The following MYO1E variants were observed in gnomAD, a reference collection of about 807,000 sequenced individuals.
The protein encoded by MYO1E is myosin IE.
In MYO1E, 68 loss-of-function variants were observed where a neutral mutation model predicts 151.1. The ratio of observed to expected loss-of-function variants is 0.45; its 90% CI spans 0.37 to 0.55. The LOEUF (loss-of-function observed/expected upper bound fraction) is 0.55, where lower values mean the gene tolerates loss of function less well. MYO1E is among the 20% of genes least tolerant of loss of function. MYO1E has a pLI of 0.00. For missense variants in MYO1E, 1,363 were observed against 1,389.3 expected, an observed-to-expected ratio of 0.98 and a Z score of 0.30; for synonymous variants, 601 against 501.7, an observed-to-expected ratio of 1.20 and a Z score of -2.64.
chr15:59,261,956 C>T (rs1224288859), intron 2 of MYO1E, among the ~76,000 whole-genome samples: 1 of 152,040 alleles, frequency 6.6e-6, no homozygotes, highest in Non-Finnish European at 1.5e-5. Context: ...AATCCCAGCA[C>T]TTTGGGAGGC....
intron 26 of MYO1E, among the ~76,000 whole-genome samples, chr15:59,152,094 TG>T (rs1344440417): frequency 2.0e-4 from 30 of 148,302 alleles, no homozygotes; most frequent in African/African-American, 7.4e-4. Context: ...CTGGGTGTGG[TG>T]GTGCGTGCCT....
At chr15:59,348,314 A>G (rs1425437318) in intron 1 of MYO1E, among the ~76,000 whole-genome samples, 4 of 152,236 alleles carry the variant, frequency 2.6e-5, no homozygotes, top group African/African-American at 7.2e-5. Flanking sequence ...CAAAAACGCC[A>G]AAACCACAAA....
At chr15:59,220,119 C>G (rs2079944980) in intron 9 of MYO1E, among the ~76,000 whole-genome samples, 1 of 152,166 alleles carries the variant, frequency 6.6e-6, no homozygotes, top group African/African-American at 2.4e-5. Context: ...CAGGGAAATG[C>G]TACATTTCCA....
chr15:59,207,798 T>C, intron 14 of MYO1E: 1 of 1,614,198 alleles, frequency 6.2e-7, no homozygotes, highest in Non-Finnish European at 8.5e-7. Flanking sequence ...TGACTGCAAC[T>C]GCCTATGAGA....
chr15:59,270,560 G>A (rs1424508556), intron 2 of MYO1E, among the ~76,000 whole-genome samples: 83 of 134,362 alleles, frequency 6.2e-4, no homozygotes, highest in Middle Eastern at 7.5e-3. Context: ...AAAAAAAAAA[G>A]AAAAGAAAAA....
intron 1 of MYO1E, among the ~76,000 whole-genome samples, chr15:59,342,279 C>A (rs1164767172): frequency 2.0e-5 from 3 of 152,140 alleles, no homozygotes; most frequent in African/African-American, 7.2e-5. Context: ...TGATTAAACC[C>A]TTGTGAGATG....
chr15:59,356,887 T>C (rs11630796), intron 1 of MYO1E, among the ~76,000 whole-genome samples: 3 of 149,700 alleles, frequency 2.0e-5, no homozygotes, highest in Admixed American at 6.6e-5. Context: ...AAGTTTTTTT[T>C]TTTGTTTGTT....
intron 5 of MYO1E, among the ~76,000 whole-genome samples, chr15:59,235,355 G>A (rs2080056049): frequency 6.6e-6 from 1 of 152,048 alleles, no homozygotes; most frequent in African/African-American, 2.4e-5. Flanking sequence ...ATACTTCGAG[G>A]GATATGTGAT....
chr15:59,190,222 T>G (rs1444131392), intron 17 of MYO1E, among the ~76,000 whole-genome samples: 1 of 152,130 alleles, frequency 6.6e-6, no homozygotes, highest in Admixed American at 6.5e-5. Context: ...ACATAAAAAG[T>G]AAGGTCTCTC....
At chr15:59,286,245 T>C (rs185410988) in intron 1 of MYO1E, among the ~76,000 whole-genome samples, 40 of 152,342 alleles carry the variant, frequency 2.6e-4, no homozygotes, top group Non-Finnish European at 4.3e-4. Flanking sequence ...CCTATACTGC[T>C]TGCAAAATAC....
At chr15:59,245,078 C>A (rs1474174741) in intron 4 of MYO1E, among the ~76,000 whole-genome samples, 3 of 152,170 alleles carry the variant, frequency 2.0e-5, no homozygotes, top group Admixed American at 2.0e-4. Context: ...AAAGCCAGGC[C>A]AGGGGGATGG....
intron 4 of MYO1E, 81 bp from the exon 5 acceptor site, chr15:59,236,753 C>G (rs1283219314): frequency 2.5e-6 from 3 of 1,207,256 alleles, no homozygotes; most frequent in Non-Finnish European, 3.6e-6. Flanking sequence ...TCACACAAAA[C>G]AAACAAACAA....
intron 4 of MYO1E, among the ~76,000 whole-genome samples, chr15:59,252,769 C>T (rs1208735949): frequency 6.6e-6 from 1 of 151,694 alleles, no homozygotes; most frequent in Non-Finnish European, 1.5e-5. Flanking sequence ...TGCCTTAACC[C>T]CAGCCACTCA....
At chr15:59,236,291 C>T (rs539483193) in intron 5 of MYO1E, among the ~76,000 whole-genome samples, 47 of 149,280 alleles carry the variant, frequency 3.1e-4, no homozygotes, top group Middle Eastern at 3.5e-3. Context: ...TGTGGTGAGC[C>T]GAGATCGCGC....
At chr15:59,219,318 G>A (rs550486170) in intron 9 of MYO1E, among the ~76,000 whole-genome samples, 31 of 152,306 alleles carry the variant, frequency 2.0e-4, no homozygotes, top group Admixed American at 1.3e-3. Flanking sequence ...CAATATGAAT[G>A]AAAGATTTTT....
At chr15:59,264,263 G>C (rs75379561) in intron 2 of MYO1E, among the ~76,000 whole-genome samples, 1,535 of 152,274 alleles carry the variant, frequency 0.01, 27 homozygotes, top group African/African-American at 0.035. Context: ...GGGAAACTGA[G>C]GCACGGAGAA....
intron 14 of MYO1E, among the ~76,000 whole-genome samples, chr15:59,206,162 A>G (rs547702721): frequency 1.1e-4 from 17 of 152,272 alleles, no homozygotes; most frequent in African/African-American, 3.9e-4. Context: ...TAAGAACACC[A>G]AAAGTGCACT....
At position 59,159,572 on chromosome 15, in the gene MYO1E, G is replaced by A. The variant is rs989384011; in HGVS notation, c.2786-1193C>T. Among the ~76,000 whole-genome samples, 8 of 152,264 alleles carry A rather than the reference G, an allele frequency of 5.3e-5. No homozygotes were observed. In the East Asian group the frequency reaches 5.8e-4, roughly 11 times the overall value. On this transcript the variant is annotated intron_variant, in intron 24 of 27. Coordinates refer to ENST00000288235, the MANE Select transcript of MYO1E (RefSeq NM_004998.4). The surrounding 1 kb of genome is among the most constrained non-coding windows in gnomAD (Gnocchi z 4.4). Reference sequence around the variant, plus strand: ...CCTCCCTCTGCTGCTTCAGGTTTGCGGATAATAATGATTTCCTGCCACTCC... The same window carrying A: ...CCTCCCTCTGCTGCTTCAGGTTTGCAGATAATAATGATTTCCTGCCACTCC...
chr15:59,322,954 G>A (rs1403881736), intron 1 of MYO1E, among the ~76,000 whole-genome samples: 12 of 150,052 alleles, frequency 8.0e-5, no homozygotes, highest in Non-Finnish European at 1.8e-4. Context: ...GAGGTCAGGA[G>A]ATCAAGACCA....
Sources: gnomAD v4.1 joint callset for allele counts (sites outside exome capture counted in the v4.1 genomes callset) on GRCh38, gnomAD v4.1.1 for gene constraint, Gnocchi (gnomAD v3.1) non-coding constraint, MANE v1.5 for transcripts, NCBI Gene and HGNC (gene_info 2026-07-23, HGNC 2026-07-21) for gene names.